ATP8A2: variants seen among roughly 807,000 people sequenced by gnomAD.
ATP8A2 encodes the protein phospholipid-transporting ATPase IB.
A neutral mutation model predicts 165.6 loss-of-function variants in ATP8A2; 100 were observed. That is an observed-to-expected ratio of 0.60 (90% CI 0.51 to 0.71). The LOEUF (loss-of-function observed/expected upper bound fraction) is 0.71. Ranked by LOEUF, ATP8A2 falls within the 30% of genes least tolerant of loss-of-function variation. ATP8A2 has a pLI of 0.00. For synonymous variants in ATP8A2, 543 were observed against 548.8 expected (o/e 0.99, Z 0.15); for missense variants, 1,227 against 1,479.5 (o/e 0.83, Z 2.80).
intron 2 of ATP8A2, among the ~76,000 whole-genome samples, chr13:25,503,351 A>G (rs569687655): frequency 1.9e-4 from 29 of 152,296 alleles, no homozygotes; most frequent in Non-Finnish European, 3.7e-4. Context: ...AAGTAACCCT[A>G]CTGTTTGTGA....
At chr13:25,904,390 C>T (rs1400377324) in intron 33 of ATP8A2, among the ~76,000 whole-genome samples, 2 of 152,206 alleles carry the variant, frequency 1.3e-5, no homozygotes, top group African/African-American at 2.4e-5. Context: ...TCATGCCCTT[C>T]GACATTCTCC....
Position 25,414,287 on chromosome 13 carries a change from T to C in ATP8A2, c.76+41999T>C, listed in dbSNP as rs148940184. 4.9e-3 allele frequency among the ~76,000 whole-genome samples: 725 copies of C among 149,220 alleles called. 2 individuals carry two copies. The highest frequency in any genetic ancestry group is 0.014 in the South Asian group (66 of 4,640). On this transcript the variant is annotated intron_variant, in intron 1 of 36. Coordinates refer to ENST00000381655, the MANE Select transcript of ATP8A2 (RefSeq NM_016529.6). ...CTCACTGCAATCTCTGCCTCCCGGG[T>C]TCAAGCGATTTTCCTGCCCCAGCCT...
intron 18 of ATP8A2, 135 bp from the exon 19 acceptor site, chr13:25,574,673 A>G: frequency 1.5e-6 from 1 of 681,312 alleles, no homozygotes. Context: ...GTGAGAAAAC[A>G]GTACATGTTG....
At chr13:25,938,425 G>C (rs1293439007) in intron 33 of ATP8A2, among the ~76,000 whole-genome samples, 1 of 152,194 alleles carries the variant, frequency 6.6e-6, no homozygotes, top group Non-Finnish European at 1.5e-5. Context: ...ACAGACCAAA[G>C]CCAGGAAATT....
At chr13:25,926,112 A>G (rs1954598252) in intron 33 of ATP8A2, among the ~76,000 whole-genome samples, 2 of 152,152 alleles carry the variant, frequency 1.3e-5, no homozygotes, top group African/African-American at 4.8e-5. Context: ...AAACCCTTCA[A>G]TAAGCTTCAG....
intron 24 of ATP8A2, among the ~76,000 whole-genome samples, chr13:25,598,088 A>G (rs901658610): frequency 6.6e-6 from 1 of 152,114 alleles, no homozygotes; most frequent in Admixed American, 6.5e-5. Flanking sequence ...TATATCCCGT[A>G]TAGTTATCTA....
chr13:25,840,984 C>G (rs1346729260), intron 30 of ATP8A2, among the ~76,000 whole-genome samples: 3 of 152,350 alleles, frequency 2.0e-5, no homozygotes, highest in East Asian at 3.9e-4. Flanking sequence ...GTTCCTAACT[C>G]AGAATTGCTT....
chr13:25,632,532 G>A (rs974209538), intron 24 of ATP8A2, among the ~76,000 whole-genome samples: 1 of 152,162 alleles, frequency 6.6e-6, no homozygotes, highest in African/African-American at 2.4e-5. Context: ...CAGGGATGAA[G>A]AGCAAATACA....
At chr13:25,744,310 T>C (rs936481694) in intron 25 of ATP8A2, among the ~76,000 whole-genome samples, 6 of 151,382 alleles carry the variant, frequency 4.0e-5, no homozygotes, top group African/African-American at 1.5e-4. Flanking sequence ...GCACATGGCA[T>C]CTGGCTCACT....
At chr13:25,694,274 T>A (rs2042789441) in intron 24 of ATP8A2, among the ~76,000 whole-genome samples, 1 of 151,954 alleles carries the variant, frequency 6.6e-6, no homozygotes, top group African/African-American at 2.4e-5. Context: ...TTTCAGAGAT[T>A]TTTATTCCTC....
chr13:25,828,108 T>C lies in ATP8A2; in HGVS notation c.2680-10T>C. ...TGATATAAAACTTCATGAGCTTTCT[T>C]CTCTTTCAGCTTTGGTTCGCCTTTG... On this transcript the variant is annotated splice_polypyrimidine_tract_variant and intron_variant, in intron 27 of 36. Coordinates refer to ENST00000381655, the MANE Select transcript of ATP8A2 (RefSeq NM_016529.6). 6.2e-7 allele frequency: 1 copy of C among 1,612,030 alleles called. No homozygotes were observed. Among genetic ancestry groups the C allele is most frequent in the Non-Finnish European group, 8.5e-7 (1 of 1,178,076 alleles).
intron 33 of ATP8A2, among the ~76,000 whole-genome samples, chr13:25,942,541 G>A (rs216680): frequency 0.46 from 70,153 of 152,034 alleles, 17,143 homozygotes; most frequent in East Asian, 0.7. Context: ...TCCTGCCTCA[G>A]CCTCTCGAGT....
chr13:25,419,423 ATGTAAGTTTTC>A (rs1425097880), intron 1 of ATP8A2, among the ~76,000 whole-genome samples: 1 of 152,204 alleles, frequency 6.6e-6, no homozygotes, highest in African/African-American at 2.4e-5. Context: ...TACACGTTTC[ATGTAAGTTTTC>A]TGTGACCTGG....
chr13:25,841,364 C>T (rs886955799), intron 30 of ATP8A2, among the ~76,000 whole-genome samples: 2 of 152,192 alleles, frequency 1.3e-5, no homozygotes, highest in African/African-American at 4.8e-5. Flanking sequence ...TTTATTATCA[C>T]CATCATCATC....
intron 30 of ATP8A2, among the ~76,000 whole-genome samples, chr13:25,854,644 T>C (rs113310561): frequency 6.4e-4 from 98 of 152,310 alleles, no homozygotes; most frequent in African/African-American, 2.1e-3. Context: ...CTTCAAAATA[T>C]TTCCAAGTGG....
intron 33 of ATP8A2, among the ~76,000 whole-genome samples, chr13:25,908,497 C>T (rs1047435298): frequency 6.6e-6 from 1 of 152,178 alleles, no homozygotes; most frequent in Non-Finnish European, 1.5e-5. Flanking sequence ...ACCAGGGTGT[C>T]CACAAGGCCT....
chr13:25,930,029 C>G (rs527696029), intron 33 of ATP8A2, among the ~76,000 whole-genome samples: 22 of 152,262 alleles, frequency 1.4e-4, no homozygotes, highest in African/African-American at 5.1e-4. Flanking sequence ...TGCTGCCCCA[C>G]GTGCCTTTGC....
intron 27 of ATP8A2, among the ~76,000 whole-genome samples, chr13:25,781,738 C>T (rs1566132561): frequency 6.6e-6 from 1 of 152,104 alleles, no homozygotes; most frequent in Non-Finnish European, 1.5e-5. Flanking sequence ...GTGATCCACC[C>T]GCCTCGGCCT....
intron 34 of ATP8A2, among the ~76,000 whole-genome samples, chr13:25,967,899 G>A (rs1478309712): frequency 6.6e-6 from 1 of 152,190 alleles, no homozygotes; most frequent in Non-Finnish European, 1.5e-5. Context: ...CAAGAAGAGT[G>A]AGCTGTCCAG....
Sources: gnomAD v4.1 joint callset for allele counts (sites outside exome capture counted in the v4.1 genomes callset) on GRCh38, gnomAD v4.1.1 for gene constraint, MANE v1.5 for transcripts, NCBI Gene and HGNC (gene_info 2026-07-23, HGNC 2026-07-21) for gene names.